Variants in ELP4 observed in about 807,000 individuals in gnomAD.
ELP4 encodes elongator acetyltransferase complex subunit 4.
ELP4 carries 51 observed loss-of-function variants against 48.9 expected under a neutral mutation model. The observed-to-expected ratio is 1.04, with a 90% confidence interval of 0.83 to 1.32. The LOEUF (loss-of-function observed/expected upper bound fraction) is 1.32. Among genes scored for constraint, ELP4 ranks in the 40% most tolerant of loss-of-function variants. The pLI is 0.00. For synonymous variants in ELP4, 210 were observed against 189.2 expected (o/e 1.11, Z -0.90); for missense variants, 519 against 514.6 (o/e 1.01, Z -0.08).
chr11:31,719,490 G>A (rs1946912397), intron 9 of ELP4: 1 of 398,100 alleles, frequency 2.5e-6, no homozygotes, highest in Non-Finnish European at 4.4e-6. Flanking sequence ...GGAAGAGTCT[G>A]TGGTCTTTTC....
At chr11:31,604,055 A>G (rs1303673252) in intron 5 of ELP4, 148 bp downstream of exon 5, 1 of 596,472 alleles carries the variant, frequency 1.7e-6, no homozygotes, top group Non-Finnish European at 2.6e-6. Flanking sequence ...CTTCAAGTCT[A>G]TGTATTTTTC....
At chr11:31,539,878 A>G in intron 3 of ELP4, 95 bp downstream of exon 3, 1 of 1,030,918 alleles carries the variant, frequency 9.7e-7, no homozygotes. Flanking sequence ...TATATATACA[A>G]ACTATATTTA....
intron 9 of ELP4, among the ~76,000 whole-genome samples, chr11:31,769,758 C>G (rs1209380998): frequency 1.3e-5 from 2 of 152,086 alleles, no homozygotes; most frequent in African/African-American, 4.8e-5. Context: ...CCTTTTACCA[C>G]TTCTAGAGTA....
At chr11:31,752,841 A>G (rs996383319) in intron 9 of ELP4, among the ~76,000 whole-genome samples, 1 of 151,782 alleles carries the variant, frequency 6.6e-6, no homozygotes, top group Non-Finnish European at 1.5e-5. Context: ...CTCAAAAAAA[A>G]AAAAAAAAAA....
chr11:31,774,233 G>T (rs1007626144), intron 9 of ELP4, among the ~76,000 whole-genome samples: 1 of 152,240 alleles, frequency 6.6e-6, no homozygotes, highest in South Asian at 2.1e-4. Flanking sequence ...TCACTCTTTC[G>T]TCTTATCAGT....
At chr11:31,777,510 T>C (rs1948275604) in intron 9 of ELP4, among the ~76,000 whole-genome samples, 1 of 152,238 alleles carries the variant, frequency 6.6e-6, no homozygotes. Flanking sequence ...GTGGCCCTTC[T>C]GGAAATTGAC....
In ELP4 at chr11:31,790,260, G is replaced by A. The variant is rs1000878472; in HGVS notation, c.*6736G>A. ...CCCCCCACCCCAATCCAAAGGAAAA[G>A]AAAAAAAAAATCCTCTGTTTGTTTG... On this transcript the variant is annotated 3_prime_UTR_variant, in exon 10 of 10. Coordinates refer to ENST00000640961, the MANE Select transcript of ELP4 (RefSeq NM_019040.5). 2 of 484,350 alleles carry A rather than the reference G, an allele frequency of 4.1e-6. No homozygotes were observed. Among genetic ancestry groups the A allele is most frequent in the Non-Finnish European group, 6.9e-6 (2 of 291,820 alleles). 30.0% of individuals were successfully genotyped at this position (484,350 alleles called of 1,614,324 possible). A position where few individuals can be genotyped will look rare whatever the true frequency, so the allele number is the denominator to read the frequency against.
chr11:31,544,472 T>A (rs1956658117), intron 3 of ELP4, among the ~76,000 whole-genome samples: 1 of 152,150 alleles, frequency 6.6e-6, no homozygotes, highest in Admixed American at 6.5e-5. Flanking sequence ...TTGCCCAGGT[T>A]TGCTTAGGTA....
intron 2 of ELP4, among the ~76,000 whole-genome samples, chr11:31,526,024 A>G (rs1464744838): frequency 6.6e-6 from 1 of 152,080 alleles, no homozygotes; most frequent in Non-Finnish European, 1.5e-5. Flanking sequence ...ATATCCTAAA[A>G]TCTTATCCTT....
At chr11:31,758,156 G>T (rs1947870492) in intron 9 of ELP4, among the ~76,000 whole-genome samples, 1 of 152,142 alleles carries the variant, frequency 6.6e-6, no homozygotes, top group Admixed American at 6.5e-5. Flanking sequence ...TTACAATGTG[G>T]TTCTACAGAT....
At chr11:31,745,276 G>A (rs1236462554) in intron 9 of ELP4, among the ~76,000 whole-genome samples, 1 of 152,136 alleles carries the variant, frequency 6.6e-6, no homozygotes, top group Non-Finnish European at 1.5e-5. Context: ...CCATGCTCAT[G>A]GGTAGGAAGA....
At chr11:31,552,500 C>T (rs1956869179) in intron 3 of ELP4, among the ~76,000 whole-genome samples, 6 of 152,184 alleles carry the variant, frequency 3.9e-5, no homozygotes, top group Admixed American at 3.9e-4. Flanking sequence ...CTCCCCAAGC[C>T]TGTTCCTTTT....
At chr11:31,689,312 C>G (rs1356898284) in intron 9 of ELP4, 1 of 151,788 alleles carries the variant, frequency 6.6e-6, no homozygotes, top group African/African-American at 2.4e-5. Flanking sequence ...TATGGTGGTG[C>G]ACGCCTGTAG....
chr11:31,789,577 T>TTA lies in ELP4; in HGVS notation c.*6053_*6054insTA. The stretch of plus-strand genomic sequence containing the variant: ...AGCTTGTTGATCATGGTTTTCTTTT[T>TTA]AAAAAAAAAAAAAACAACTTCATGA... On this transcript the variant is annotated 3_prime_UTR_variant, in exon 10 of 10. Transcript: ENST00000640961. 1.2e-5 allele frequency: 6 copies of TTA among 493,616 alleles called. No homozygotes were observed. The highest frequency in any genetic ancestry group is 3.4e-5 in the East Asian group (1 of 29,362). The allele number at this position is 493,616 out of a possible 1,614,324, so 30.6% of individuals were successfully genotyped here.
At chr11:31,605,758 C>G (rs1250647621) in intron 5 of ELP4, among the ~76,000 whole-genome samples, 1 of 152,068 alleles carries the variant, frequency 6.6e-6, no homozygotes, top group Non-Finnish European at 1.5e-5. Context: ...AAGTCAGGTA[C>G]TCTCCCAGAC....
intron 3 of ELP4, among the ~76,000 whole-genome samples, chr11:31,557,011 G>T (rs1956941262): frequency 1.3e-5 from 2 of 151,716 alleles, no homozygotes; most frequent in South Asian, 4.2e-4. Context: ...TTTCATAATT[G>T]AAAATGAATA....
intron 4 of ELP4, among the ~76,000 whole-genome samples, chr11:31,595,294 T>A (rs1358610219): frequency 6.6e-6 from 1 of 152,158 alleles, no homozygotes. Context: ...TCTGGTAATG[T>A]CATCTATTCA....
At chr11:31,536,549 G>A (rs893299754) in intron 2 of ELP4, among the ~76,000 whole-genome samples, 6 of 152,080 alleles carry the variant, frequency 3.9e-5, no homozygotes, top group Admixed American at 6.5e-5. Flanking sequence ...GCGGGATTTC[G>A]CTATGTTGGC....
intron 9 of ELP4, among the ~76,000 whole-genome samples, chr11:31,708,875 A>G (rs1388557864): frequency 6.6e-6 from 1 of 152,172 alleles, no homozygotes; most frequent in African/African-American, 2.4e-5. Context: ...TTATGCAAGG[A>G]AAGTTGTTAT....
Sources: allele counts gnomAD v4.1 joint callset (sites outside exome capture counted in the v4.1 genomes callset), GRCh38; gene constraint gnomAD v4.1.1; transcripts MANE v1.5; gene names NCBI Gene and HGNC (gene_info 2026-07-23, HGNC 2026-07-21).